Variants in GPC6 observed in about 807,000 individuals in gnomAD.
GPC6 encodes the protein glypican-6.
Under a neutral mutation model 55.2 loss-of-function variants are expected in GPC6, and 14 were observed. The observed-to-expected ratio is 0.25, with a 90% CI of 0.17 to 0.40. GPC6 has a LOEUF of 0.40. GPC6 is among the 10% of genes least tolerant of loss of function. The pLI, the probability that GPC6 is intolerant of heterozygous loss-of-function variation, is 1.00. For synonymous variants in GPC6, 278 were observed against 259.6 expected (o/e 1.07, Z -0.68); for missense variants, 641 against 708.5 (o/e 0.90, Z 1.08).
At chr13:93,640,804 C>T (rs1594334557) in intron 2 of GPC6, among the ~76,000 whole-genome samples, 2 of 88,692 alleles carry the variant, frequency 2.3e-5, no homozygotes, top group African/African-American at 3.5e-5. Flanking sequence ...TCCTTCCTTC[C>T]TTCCTTCCTT....
intron 1 of GPC6, among the ~76,000 whole-genome samples, chr13:93,373,828 T>C (rs1566323420): frequency 6.6e-6 from 1 of 152,200 alleles, no homozygotes; most frequent in Non-Finnish European, 1.5e-5. Context: ...AAAGAAATCA[T>C]TTTGCGTTTA....
intron 4 of GPC6, among the ~76,000 whole-genome samples, chr13:94,107,100 G>A (rs1056550403): frequency 3.3e-5 from 5 of 152,144 alleles, no homozygotes; most frequent in Non-Finnish European, 5.9e-5. Context: ...AGGGTGCACC[G>A]TGTTTTGGGG....
chr13:93,678,069 G>A (rs780474252), intron 2 of GPC6, among the ~76,000 whole-genome samples: 4 of 152,044 alleles, frequency 2.6e-5, no homozygotes, highest in Non-Finnish European at 5.9e-5. Flanking sequence ...TCCTAAAAGG[G>A]TAGCTATTCT....
intron 3 of GPC6, among the ~76,000 whole-genome samples, chr13:93,936,162 T>G (rs1049324829): frequency 1.2e-4 from 18 of 152,194 alleles, no homozygotes; most frequent in African/African-American, 4.3e-4. Flanking sequence ...TCATTCAATG[T>G]TGCAATATCA....
chr13:93,955,453 C>T (rs1370982147), intron 3 of GPC6, among the ~76,000 whole-genome samples: 2 of 152,150 alleles, frequency 1.3e-5, no homozygotes, highest in African/African-American at 2.4e-5. Flanking sequence ...CACACATGCT[C>T]ATTAACAAAC....
chr13:94,041,056 G>A (rs1883514870), intron 4 of GPC6, among the ~76,000 whole-genome samples: 1 of 151,828 alleles, frequency 6.6e-6, no homozygotes, highest in Non-Finnish European at 1.5e-5. Flanking sequence ...CTAGACATCA[G>A]ATTGCTTGTG....
At chr13:93,770,810 A>G (rs1370913582) in intron 2 of GPC6, among the ~76,000 whole-genome samples, 2 of 152,162 alleles carry the variant, frequency 1.3e-5, no homozygotes, top group Non-Finnish European at 2.9e-5. Context: ...CACTTCCTCT[A>G]GAAATAAATC....
At chr13:93,705,127 T>G (rs941013895) in intron 2 of GPC6, among the ~76,000 whole-genome samples, 3 of 151,962 alleles carry the variant, frequency 2.0e-5, no homozygotes, top group Non-Finnish European at 2.9e-5. Flanking sequence ...ATCAGATTGG[T>G]CTGGAGCAGT....
chr13:93,793,199 A>G (rs1337469686), intron 2 of GPC6, among the ~76,000 whole-genome samples: 2 of 152,146 alleles, frequency 1.3e-5, no homozygotes, highest in African/African-American at 4.8e-5. Context: ...GCCTTTCTCA[A>G]CTGTGAAACT....
At chr13:93,449,757 G>T (rs919872316) in intron 1 of GPC6, among the ~76,000 whole-genome samples, 4 of 151,946 alleles carry the variant, frequency 2.6e-5, no homozygotes, top group Non-Finnish European at 4.4e-5. Context: ...GAACCTGGGA[G>T]GCAGAGGTTG....
In GPC6 at chr13:93,425,953, A is replaced by T. The variant is rs553850637; in HGVS notation, c.161-119310A>T. ...CTTCTTTGATTTCTCCTCCCGCCAA[A>T]TGACTGCTCCAAAGCAAGATTTAAT... On this transcript the variant is annotated intron_variant, in intron 1 of 8. Coordinates refer to ENST00000377047, the MANE Select transcript of GPC6 (RefSeq NM_005708.5). 2.0e-4 allele frequency among the ~76,000 whole-genome samples: 30 copies of T among 152,240 alleles called. No individual in the cohort carries two copies. In the South Asian group the frequency reaches 2.9e-3, roughly 15 times the overall value.
chr13:93,328,280 T>C (rs569179994), intron 1 of GPC6, among the ~76,000 whole-genome samples: 11 of 152,272 alleles, frequency 7.2e-5, no homozygotes. Context: ...TGAGAGAATA[T>C]ATGTGTATGT....
intron 2 of GPC6, among the ~76,000 whole-genome samples, chr13:93,716,147 CT>C (rs1299036000): frequency 6.6e-6 from 1 of 151,572 alleles, no homozygotes; most frequent in Non-Finnish European, 1.5e-5. Flanking sequence ...AAGTATAGTA[CT>C]TAGAATTATA....
At chr13:93,243,834 G>A (rs1314237375) in intron 1 of GPC6, among the ~76,000 whole-genome samples, 1 of 152,204 alleles carries the variant, frequency 6.6e-6, no homozygotes, top group South Asian at 2.1e-4. Flanking sequence ...GTAATGGGCT[G>A]TGCTGGGTGA....
At chr13:93,941,596 G>A (rs984866074) in intron 3 of GPC6, among the ~76,000 whole-genome samples, 11 of 152,100 alleles carry the variant, frequency 7.2e-5, no homozygotes, top group African/African-American at 1.4e-4. Flanking sequence ...TGAAATAGTC[G>A]AGTGACTTGT....
intron 4 of GPC6, among the ~76,000 whole-genome samples, chr13:94,226,533 G>A (rs541078799): frequency 6.6e-6 from 1 of 152,040 alleles, no homozygotes; most frequent in Non-Finnish European, 1.5e-5. Context: ...ACATTACACT[G>A]TACCCCATAA....
intron 6 of GPC6, among the ~76,000 whole-genome samples, chr13:94,376,873 C>G (rs990273663): frequency 3.3e-5 from 5 of 151,726 alleles, no homozygotes; most frequent in Admixed American, 1.3e-4. Flanking sequence ...TGGAACAGAA[C>G]AGAGCCCTCA....
At chr13:93,763,974 G>T (rs1885034202) in intron 2 of GPC6, among the ~76,000 whole-genome samples, 1 of 151,952 alleles carries the variant, frequency 6.6e-6, no homozygotes, top group African/African-American at 2.4e-5. Flanking sequence ...TTAATAAGTT[G>T]TTGTCCTTTC....
At chr13:93,950,780 T>C (rs1879218458) in intron 3 of GPC6, among the ~76,000 whole-genome samples, 1 of 152,190 alleles carries the variant, frequency 6.6e-6, no homozygotes, top group African/African-American at 2.4e-5. Flanking sequence ...CAAATGATTC[T>C]GAGGCTGGGA....
Sources: gnomAD v4.1 joint callset for allele counts (sites outside exome capture counted in the v4.1 genomes callset) on GRCh38, gnomAD v4.1.1 for gene constraint, MANE v1.5 for transcripts, NCBI Gene and HGNC (gene_info 2026-07-23, HGNC 2026-07-21) for gene names.